SUGCT: variants seen among roughly 807,000 people sequenced by gnomAD.
The protein encoded by SUGCT is succinyl-CoA:glutarate CoA-transferase.
Under a neutral mutation model 55.0 loss-of-function variants are expected in SUGCT, and 41 were observed. The observed-to-expected ratio is 0.74, with a 90% CI of 0.58 to 0.97. The LOEUF (loss-of-function observed/expected upper bound fraction) is 0.97, where lower values mean the gene tolerates loss of function less well. Among genes scored for constraint, SUGCT ranks in the 50% least tolerant of loss-of-function variants. The pLI is 0.00. For missense variants in SUGCT, 568 were observed against 547.8 expected (o/e 1.04, Z -0.37); for synonymous variants, 187 against 200.4 (o/e 0.93, Z 0.56).
At chr7:40,908,931 C>A in the SUGCT span, among the ~76,000 whole-genome samples, 11 of 152,070 alleles carry the variant, frequency 7.2e-5, no homozygotes, top group East Asian at 2.1e-3. Context: ...TTTAAATGAC[C>A]ATGGATGGTA....
At chr7:40,322,131 A>AT (rs1795787562) in intron 9 of SUGCT, among the ~76,000 whole-genome samples, 1 of 152,106 alleles carries the variant, frequency 6.6e-6, no homozygotes, top group African/African-American at 2.4e-5. Context: ...TATAGATGAA[A>AT]TGTACCCAGT....
At chr7:40,884,552 C>T in the SUGCT span, among the ~76,000 whole-genome samples, 19 of 152,098 alleles carry the variant, frequency 1.2e-4, no homozygotes, top group African/African-American at 4.1e-4. Flanking sequence ...CCGCCTGTTC[C>T]GCAGTGATTG....
At chr7:40,706,927 T>C (rs1249638462) in intron 12 of SUGCT, among the ~76,000 whole-genome samples, 1 of 152,246 alleles carries the variant, frequency 6.6e-6, no homozygotes, top group Non-Finnish European at 1.5e-5. Flanking sequence ...TGAGCAGTCC[T>C]GCTCCTTAAA....
chr7:40,792,916 A>G (rs761088827), intron 13 of SUGCT, among the ~76,000 whole-genome samples: 5 of 152,080 alleles, frequency 3.3e-5, no homozygotes, highest in African/African-American at 9.7e-5. Context: ...TAAAAGTACA[A>G]ATTCCTGTGC....
chr7:41,032,376 A>T, the SUGCT span, among the ~76,000 whole-genome samples: 1 of 151,924 alleles, frequency 6.6e-6, no homozygotes, highest in African/African-American at 2.4e-5. Context: ...ACCATCTCAG[A>T]CAATTCTCAC....
intron 9 of SUGCT, among the ~76,000 whole-genome samples, chr7:40,433,138 A>G (rs1458999856): frequency 1.3e-5 from 2 of 152,134 alleles, no homozygotes; most frequent in Non-Finnish European, 2.9e-5. Context: ...CTTCAGGTCC[A>G]AAATGTCTGG....
intron 13 of SUGCT, among the ~76,000 whole-genome samples, chr7:40,753,629 G>A (rs1439302794): frequency 6.6e-6 from 1 of 152,114 alleles, no homozygotes; most frequent in East Asian, 1.9e-4. Flanking sequence ...TTTGCCTGAA[G>A]CACTTTCTTA....
chr7:40,198,596 C>T (rs1049590899), intron 6 of SUGCT, among the ~76,000 whole-genome samples: 1 of 152,042 alleles, frequency 6.6e-6, no homozygotes, highest in Non-Finnish European at 1.5e-5. Context: ...CGTGGTGGCT[C>T]ATGCCTGTAA....
intron 9 of SUGCT, among the ~76,000 whole-genome samples, chr7:40,410,063 C>T (rs1331355564): frequency 2.0e-5 from 3 of 151,846 alleles, no homozygotes; most frequent in African/African-American, 4.8e-5. Context: ...GTAGCACGAG[C>T]GTATATAATC....
chr7:40,173,836 A>C (rs1196386860), intron 1 of SUGCT, among the ~76,000 whole-genome samples: 1 of 149,270 alleles, frequency 6.7e-6, no homozygotes, highest in Non-Finnish European at 1.5e-5. Flanking sequence ...AATAATATAT[A>C]GTATATCATA....
intron 12 of SUGCT, among the ~76,000 whole-genome samples, chr7:40,745,477 CA>C (rs1321708930): frequency 3.9e-5 from 6 of 152,104 alleles, no homozygotes. Context: ...TCTTTCCCCC[CA>C]TCATTAATAC....
chr7:40,959,190 G>A, the SUGCT span, among the ~76,000 whole-genome samples: 1 of 152,230 alleles, frequency 6.6e-6, no homozygotes, highest in Non-Finnish European at 1.5e-5. Context: ...CAGAGCGTGA[G>A]CGCTGTGCTG....
At chr7:40,601,011 A>T (rs1798267679) in intron 12 of SUGCT, among the ~76,000 whole-genome samples, 1 of 152,182 alleles carries the variant, frequency 6.6e-6, no homozygotes, top group South Asian at 2.1e-4. Context: ...AATACTATAA[A>T]TCTGAAGCCA....
chr7:40,513,085 C>G (rs1793026035), intron 12 of SUGCT, among the ~76,000 whole-genome samples: 1 of 152,110 alleles, frequency 6.6e-6, no homozygotes, highest in South Asian at 2.1e-4. Flanking sequence ...TAGGGGAGAT[C>G]AGTCCCATGG....
At chr7:40,405,589 C>A (rs1038438664) in intron 9 of SUGCT, among the ~76,000 whole-genome samples, 1 of 151,990 alleles carries the variant, frequency 6.6e-6, no homozygotes, top group Non-Finnish European at 1.5e-5. Flanking sequence ...GCAGGTGGAT[C>A]ACTTGAGGCC....
chr7:40,623,694 G>T (rs1452900408), intron 12 of SUGCT, among the ~76,000 whole-genome samples: 3 of 152,016 alleles, frequency 2.0e-5, no homozygotes, highest in Non-Finnish European at 4.4e-5. Flanking sequence ...TTTTAGGAAT[G>T]ATCACACACA....
chr7:40,302,683 A>G (rs1466686921), intron 8 of SUGCT, among the ~76,000 whole-genome samples: 2 of 152,182 alleles, frequency 1.3e-5, no homozygotes, highest in African/African-American at 4.8e-5. Flanking sequence ...ACCTTCCTTT[A>G]AAAGTTAGAC....
intron 8 of SUGCT, among the ~76,000 whole-genome samples, chr7:40,316,424 A>C (rs1485435842): frequency 1.3e-5 from 2 of 152,154 alleles, no homozygotes; most frequent in Non-Finnish European, 2.9e-5. Context: ...AAAATGCACG[A>C]GTTGCTGATG....
intron 12 of SUGCT, among the ~76,000 whole-genome samples, chr7:40,716,460 C>A (rs1471837441): frequency 6.6e-6 from 1 of 152,118 alleles, no homozygotes; most frequent in African/African-American, 2.4e-5. Flanking sequence ...TTCTGTTTAA[C>A]AAATTTAATT....
Sources: gnomAD v4.1 joint callset for allele counts (sites outside exome capture counted in the v4.1 genomes callset) on GRCh38, gnomAD v4.1.1 for gene constraint, MANE v1.5 for transcripts, NCBI Gene and HGNC (gene_info 2026-07-23, HGNC 2026-07-21) for gene names.